ZCCHC17: variants seen among roughly 807,000 people sequenced by gnomAD.
ZCCHC17 encodes zinc finger CCHC-type containing 17, also known as zinc finger CCHC domain-containing protein 17.
ZCCHC17 carries 18 observed loss-of-function variants against 30.6 expected under a neutral mutation model. The ratio of observed to expected loss-of-function variants is 0.59; its 90% CI spans 0.41 to 0.87. ZCCHC17 has a LOEUF of 0.87. ZCCHC17 is among the 40% of genes least tolerant of loss of function. The pLI is 0.00. For synonymous variants in ZCCHC17, 88 were observed against 92.4 expected, an observed-to-expected ratio of 0.95 and a Z score of 0.27; for missense variants, 263 against 284.2, an observed-to-expected ratio of 0.93 and a Z score of 0.54.
rs115962304 is a variant in ZCCHC17 at position 31,364,460 on chromosome 1, A to G, written c.*267A>G. 9.2e-3 allele frequency: 4,553 copies of G among 493,404 alleles called. 158 individuals are homozygous for G. The highest frequency in any genetic ancestry group is 0.077 in the African/African-American group (4,032 of 52,498). 30.6% of individuals were successfully genotyped at this position (493,404 alleles called of 1,614,324 possible). Reference sequence around the variant, plus strand: ...CCCATTCATTCACCCAACTTCCTTCATTCAGCAGGAGGTCCTATTACCCTC... The same window carrying G: ...CCCATTCATTCACCCAACTTCCTTCGTTCAGCAGGAGGTCCTATTACCCTC... On this transcript the variant is annotated 3_prime_UTR_variant, in exon 8 of 8. Transcript: ENST00000344147.
chr1:31,344,731 G>A (rs1639176108), intron 5 of ZCCHC17, among the ~76,000 whole-genome samples: 1 of 152,116 alleles, frequency 6.6e-6, no homozygotes, highest in African/African-American at 2.4e-5. Flanking sequence ...TTGTCATGGG[G>A]GTTGCTTAAG....
At position 31,346,849 on chromosome 1, in the gene ZCCHC17, A is replaced by C. The variant is rs747706618; in HGVS notation, c.418+109A>C. On this transcript the variant is annotated intron_variant, in intron 6 of 7. Transcript: ENST00000344147. ...TTTAGTTTACCCTGTTTTTTAGCCA[A>C]GTGATGGCCTTTGCTGTTTTTTCCA... 5.8e-6 allele frequency: 9 copies of C among 1,543,722 alleles called. No individual in the cohort carries two copies. In the Admixed American group the frequency reaches 1.2e-4, roughly 20 times the overall value.
chr1:31,297,947 G>A (rs1361783957), intron 1 of ZCCHC17, among the ~76,000 whole-genome samples: 1 of 152,218 alleles, frequency 6.6e-6, no homozygotes, highest in African/African-American at 2.4e-5. Flanking sequence ...CGTGATAGCG[G>A]TCAGACCTTG....
At chr1:31,303,543 G>A (rs907380274) in intron 1 of ZCCHC17, among the ~76,000 whole-genome samples, 2 of 152,138 alleles carry the variant, frequency 1.3e-5, no homozygotes, top group Admixed American at 1.3e-4. Context: ...GTTCCAAAAA[G>A]GCTATAAAAT....
intron 3 of ZCCHC17, among the ~76,000 whole-genome samples, chr1:31,329,125 G>T (rs1251975163): frequency 1.3e-5 from 2 of 152,044 alleles, no homozygotes; most frequent in Non-Finnish European, 2.9e-5. Flanking sequence ...AATCAAAAGG[G>T]GCTTACTATG....
intron 2 of ZCCHC17, chr1:31,318,234 T>A: frequency 6.5e-7 from 1 of 1,532,980 alleles, no homozygotes; most frequent in Non-Finnish European, 8.7e-7. Flanking sequence ...GAATAAAGTT[T>A]ATGTATGTAA....
In ZCCHC17 at chr1:31,315,419, T is replaced by G. The variant is rs187231124; in HGVS notation, c.67-3690T>G. The stretch of plus-strand genomic sequence containing the variant: ...AGCCAGTATTCATCCTGTCATCCTC[T>G]GAGAAGCATGTTGGTAGCAGAGTGC... On this transcript the variant is annotated intron_variant, in intron 2 of 7. Coordinates refer to ENST00000344147, the MANE Select transcript of ZCCHC17 (RefSeq NM_016505.4). 3.7e-3 allele frequency among the ~76,000 whole-genome samples: 564 copies of G among 152,296 alleles called. 5 individuals are homozygous for G. The highest frequency in any genetic ancestry group is 3.6e-3 in the Non-Finnish European group (245 of 68,018).
chr1:31,321,296 T>C (rs1646854700), intron 3 of ZCCHC17, among the ~76,000 whole-genome samples: 1 of 152,236 alleles, frequency 6.6e-6, no homozygotes, highest in South Asian at 2.1e-4. Flanking sequence ...CGCTGGGCAC[T>C]TATTCTCCTT....
intron 2 of ZCCHC17, among the ~76,000 whole-genome samples, chr1:31,310,441 G>T (rs573673213): frequency 1.2e-4 from 19 of 152,328 alleles, no homozygotes; most frequent in African/African-American, 4.3e-4. Context: ...CCCCTAAAAA[G>T]CATGTTTTGG....
At position 31,343,967 on chromosome 1, in the gene ZCCHC17, G is replaced by A. The variant is rs572836629; in HGVS notation, c.318-2673G>A. 2.7e-5 allele frequency among the ~76,000 whole-genome samples: 4 copies of A among 146,690 alleles called. No homozygotes were observed. In the South Asian group the frequency reaches 8.6e-4, roughly 31 times the overall value. On this transcript the variant is annotated intron_variant, in intron 5 of 7. Transcript: ENST00000344147. ...CCTCCTGGGTTCAAGCAATTCTCCT[G>A]CCTCAGCCTCCCGAGTAGCTGGGAT...
chr1:31,331,891 T>G (rs1341442986), intron 3 of ZCCHC17, among the ~76,000 whole-genome samples: 1 of 152,094 alleles, frequency 6.6e-6, no homozygotes, highest in African/African-American at 2.4e-5. Flanking sequence ...ATTACAAGCG[T>G]AAGCCACCAT....
rs929476741 is a variant in ZCCHC17, at chr1:31,321,827, A to G, written c.124+2661A>G. Among the ~76,000 whole-genome samples, 3 of 152,190 alleles carry G rather than the reference A, an allele frequency of 2.0e-5. No individual in the cohort carries two copies. In the South Asian group the frequency reaches 6.2e-4, roughly 32 times the overall value. Reference sequence around the variant, plus strand: ...TTGTTGAGTTAGGTGTTTCTCATATATTCTGGATACTAGTCTCATATCAAA... The same window carrying G: ...TTGTTGAGTTAGGTGTTTCTCATATGTTCTGGATACTAGTCTCATATCAAA... On this transcript the variant is annotated intron_variant, in intron 3 of 7. Coordinates refer to ENST00000344147, the MANE Select transcript of ZCCHC17 (RefSeq NM_016505.4).
At chr1:31,359,830 A>G (rs1288235947) in intron 7 of ZCCHC17, among the ~76,000 whole-genome samples, 1 of 152,026 alleles carries the variant, frequency 6.6e-6, no homozygotes, top group African/African-American at 2.4e-5. Flanking sequence ...TTCTATTTCC[A>G]TCTGATACTT....
intron 1 of ZCCHC17, among the ~76,000 whole-genome samples, chr1:31,303,114 C>T (rs866388798): frequency 6.8e-6 from 1 of 146,946 alleles, no homozygotes; most frequent in Non-Finnish European, 1.5e-5. Context: ...CAGTCTCTAC[C>T]CCCCCTCAAA....
At chr1:31,320,494 G>A (rs1272498359) in intron 3 of ZCCHC17, among the ~76,000 whole-genome samples, 1 of 152,054 alleles carries the variant, frequency 6.6e-6, no homozygotes, top group East Asian at 1.9e-4. Flanking sequence ...TATGCCCCCA[G>A]CTTTAGGCAA....
chr1:31,314,372 C>T (rs1459876816), intron 2 of ZCCHC17, among the ~76,000 whole-genome samples: 1 of 147,850 alleles, frequency 6.8e-6, no homozygotes, highest in East Asian at 2.0e-4. Flanking sequence ...AGAAACTTTT[C>T]AGAATATTCA....
At chr1:31,332,717 G>A (rs79966605) in intron 3 of ZCCHC17, among the ~76,000 whole-genome samples, 3,560 of 151,924 alleles carry the variant, frequency 0.023, 55 homozygotes, top group Middle Eastern at 0.075. Flanking sequence ...ATGATCCTGG[G>A]TTCAGGCAAT....
chr1:31,308,787 G>T (rs145673399), intron 1 of ZCCHC17, among the ~76,000 whole-genome samples: 162 of 152,346 alleles, frequency 1.1e-3, no homozygotes, highest in African/African-American at 3.7e-3. Flanking sequence ...GGTTGAAAAT[G>T]CATTATCTCA....
chr1:31,318,321 A>T (rs1646783564), intron 2 of ZCCHC17: 2 of 1,149,588 alleles, frequency 1.7e-6, no homozygotes, highest in Non-Finnish European at 2.5e-6. Context: ...CTCGATCCAC[A>T]GGTTGGGGGA....
Sources: gnomAD v4.1 joint callset for allele counts (sites outside exome capture counted in the v4.1 genomes callset) on GRCh38, gnomAD v4.1.1 for gene constraint, MANE v1.5 for transcripts, NCBI Gene and HGNC (gene_info 2026-07-23, HGNC 2026-07-21) for gene names.